TTC3: variants seen among roughly 807,000 people sequenced by gnomAD.
TTC3 encodes E3 ubiquitin-protein ligase TTC3.
TTC3 carries 180 observed loss-of-function variants against 249.6 expected under a neutral mutation model. That is an observed-to-expected ratio of 0.72 (90% CI 0.64 to 0.82). The LOEUF is 0.82. Among genes scored for constraint, TTC3 ranks in the 40% least tolerant of loss-of-function variants. TTC3 has a pLI of 0.00. For synonymous variants in TTC3, 717 were observed against 805.0 expected (o/e 0.89, Z 1.85); for missense variants, 2,061 against 2,398.4 (o/e 0.86, Z 2.94).
At chr21:37,165,939 C>A in exon 33 of TTC3, 1 of 1,614,174 alleles carries the variant, frequency 6.2e-7, no homozygotes. Flanking sequence ...CCTGTGTCTG[C>A]AAATTCTCCC....
chr21:37,135,664 T>C (rs377575968), intron 18 of TTC3, 150 bp downstream of exon 18: 18 of 882,908 alleles, frequency 2.0e-5, no homozygotes, highest in Non-Finnish European at 2.8e-5. Context: ...AAGCAGGTAC[T>C]GCTCCAATTC....
At chr21:37,125,584 A>C (rs1233582171) in intron 14 of TTC3, among the ~76,000 whole-genome samples, 1 of 152,080 alleles carries the variant, frequency 6.6e-6, no homozygotes, top group South Asian at 2.1e-4. Flanking sequence ...CCTAAATCAT[A>C]ATAATGATCG....
Position 37,153,286 on chromosome 21 carries a change from C to T in TTC3, c.2740+9C>T. On this transcript the variant is annotated intron_variant, in intron 27 of 45. Transcript: ENST00000355666. ...AAAACTTAATAGCTTTGGTATGTCCCTTTATATTCCAGAGCAATAAACTTT... is the reference window on the plus strand; with the variant it reads ...AAAACTTAATAGCTTTGGTATGTCCTTTTATATTCCAGAGCAATAAACTTT... The T allele has an allele frequency of 6.3e-7, 1 of 1,599,094 alleles. No individual in the cohort carries two copies. Among genetic ancestry groups the T allele is most frequent in the East Asian group, 2.2e-5 (1 of 44,758 alleles).
At chr21:37,074,114 G>A (rs930250543) in intron 1 of TTC3, among the ~76,000 whole-genome samples, 41 of 152,344 alleles carry the variant, frequency 2.7e-4, no homozygotes, top group African/African-American at 9.9e-4. Context: ...CTGTTTTCGT[G>A]TGAACTGGCA....
chr21:37,192,396 T>G (rs932286214), intron 41 of TTC3, among the ~76,000 whole-genome samples, 183 bp downstream of exon 41: 3 of 152,172 alleles, frequency 2.0e-5, no homozygotes, highest in Non-Finnish European at 4.4e-5. Flanking sequence ...ATAAAATAGA[T>G]CAGTCTTTCT....
At chr21:37,146,312 T>C (rs1455778875) in intron 21 of TTC3, among the ~76,000 whole-genome samples, 2 of 152,120 alleles carry the variant, frequency 1.3e-5, no homozygotes, top group Non-Finnish European at 2.9e-5. Context: ...GAGGATTGCT[T>C]GAGCTCAGGA....
chr21:37,076,605 T>C (rs915538503), intron 1 of TTC3, among the ~76,000 whole-genome samples: 23 of 152,038 alleles, frequency 1.5e-4, no homozygotes, highest in African/African-American at 5.6e-4. Flanking sequence ...ACATTGCACT[T>C]TACATAAGAC....
intron 17 of TTC3, among the ~76,000 whole-genome samples, chr21:37,134,677 C>T (rs905993136): frequency 6.6e-6 from 1 of 152,158 alleles, no homozygotes; most frequent in African/African-American, 2.4e-5. Flanking sequence ...CTTTGTGGAA[C>T]TTTGGTGACT....
At chr21:37,101,688 A>T (rs1261958876) in intron 10 of TTC3, among the ~76,000 whole-genome samples, 1 of 152,050 alleles carries the variant, frequency 6.6e-6, no homozygotes, top group Non-Finnish European at 1.5e-5. Flanking sequence ...TGTAAGTCAG[A>T]ATATAGGCAG....
intron 10 of TTC3, among the ~76,000 whole-genome samples, chr21:37,102,978 T>C (rs1212793048): frequency 6.6e-6 from 1 of 152,046 alleles, no homozygotes; most frequent in Admixed American, 6.6e-5. Context: ...GCCTGGGCGA[T>C]AGAGTGAGAC....
At chr21:37,099,010 A>T (rs2074219047) in intron 10 of TTC3, 1 of 152,198 alleles carries the variant, frequency 6.6e-6, no homozygotes, top group Non-Finnish European at 1.5e-5. Flanking sequence ...CTGTTCTGGA[A>T]GGCCAGACTT....
chr21:37,095,838 C>G (rs2073884837), intron 9 of TTC3, among the ~76,000 whole-genome samples: 2 of 152,170 alleles, frequency 1.3e-5, no homozygotes, highest in African/African-American at 4.8e-5. Flanking sequence ...TAAGAGGGAA[C>G]TTTTACAGGA....
At chr21:37,163,745 C>A (rs1281167809) in intron 31 of TTC3, among the ~76,000 whole-genome samples, 1 of 152,190 alleles carries the variant, frequency 6.6e-6, no homozygotes, top group African/African-American at 2.4e-5. Context: ...GTCTTTCAGT[C>A]ATTTAACAAG....
At chr21:37,128,337 G>T (rs1449581023) in intron 15 of TTC3, among the ~76,000 whole-genome samples, 1 of 152,184 alleles carries the variant, frequency 6.6e-6, no homozygotes, top group Non-Finnish European at 1.5e-5. Flanking sequence ...ATAAATCTGG[G>T]CTCACAGAGC....
chr21:37,098,704 G>T (rs78775722), intron 10 of TTC3: 3 of 152,216 alleles, frequency 2.0e-5, no homozygotes, highest in African/African-American at 4.8e-5. Flanking sequence ...TATATGATTT[G>T]CTCAGTAATG....
intron 27 of TTC3, among the ~76,000 whole-genome samples, chr21:37,154,753 C>T (rs556520251): frequency 2.6e-5 from 4 of 152,064 alleles, no homozygotes; most frequent in Non-Finnish European, 5.9e-5. Context: ...TGGAGTGCAG[C>T]GGCGCGATCT....
At chr21:37,119,950 C>T (rs1465907080) in intron 11 of TTC3, among the ~76,000 whole-genome samples, 1 of 152,148 alleles carries the variant, frequency 6.6e-6, no homozygotes, top group Non-Finnish European at 1.5e-5. Flanking sequence ...AGTGTGTGTA[C>T]AGTAGACCTT....
chr21:37,142,447 T>C (rs1372115776), intron 20 of TTC3, among the ~76,000 whole-genome samples: 1 of 152,184 alleles, frequency 6.6e-6, no homozygotes, highest in Non-Finnish European at 1.5e-5. Context: ...AGCATTCTTA[T>C]ACACCAGTAA....
chr21:37,172,478 G>A (rs1032030155), intron 34 of TTC3, 117 bp from the exon 35 acceptor site: 6 of 1,190,062 alleles, frequency 5.0e-6, no homozygotes, highest in Middle Eastern at 5.9e-4. Flanking sequence ...CATTTCCCTT[G>A]TAAATTTTCA....
Sources: gnomAD v4.1 joint callset for allele counts (sites outside exome capture counted in the v4.1 genomes callset) on GRCh38, gnomAD v4.1.1 for gene constraint, MANE v1.5 for transcripts, NCBI Gene and HGNC (gene_info 2026-07-23, HGNC 2026-07-21) for gene names.